Variants in AMZ1 observed in about 807,000 individuals in gnomAD.
The protein encoded by AMZ1 is archaemetzincin-1.
AMZ1 carries 39 observed loss-of-function variants against 29.9 expected under a neutral mutation model. The ratio of observed to expected loss-of-function variants is 1.30; its 90% CI spans 1.01 to 1.70. The LOEUF (loss-of-function observed/expected upper bound fraction) is 1.70. AMZ1 is among the 40% of genes most tolerant of loss of function. The pLI, the probability that AMZ1 is intolerant of heterozygous loss-of-function variation, is 0.00. For missense variants in AMZ1, 1,041 were observed against 680.6 expected, an observed-to-expected ratio of 1.53 and a Z score of -5.89; for synonymous variants, 458 against 304.0, an observed-to-expected ratio of 1.51 and a Z score of -5.27.
At chr7:2,702,468 C>T (rs1316939463) in intron 2 of AMZ1, 1 of 518,276 alleles carries the variant, frequency 1.9e-6, no homozygotes. Context: ...TGCTCTCTCC[C>T]TGAGCTCATA....
intron 4 of AMZ1, among the ~76,000 whole-genome samples, chr7:2,735,855 C>T (rs1316489021): frequency 3.3e-5 from 5 of 152,114 alleles, no homozygotes; most frequent in Admixed American, 1.3e-4. Flanking sequence ...TGTAAGGTGC[C>T]AGGGACTGTG....
rs183789302 is a variant in AMZ1 at position 2,718,933 on chromosome 7, C to T, written c.*6055C>T. 4.6e-4 allele frequency among the ~76,000 whole-genome samples: 70 copies of T among 151,814 alleles called. 1 individual carries two copies. The highest frequency in any genetic ancestry group is 1.6e-3 in the African/African-American group (67 of 41,376). On this transcript the variant is annotated 3_prime_UTR_variant, in exon 7 of 7. Coordinates refer to ENST00000683327, the MANE Select transcript of AMZ1 (RefSeq NM_001384743.1). ...GGGTCGCTTAACACAGGCAGGGGTA[C>T]AGGAGAGCTCCGGCCATTTATTCCA...
At chr7:2,734,161 G>A (rs1044496421) in intron 4 of AMZ1, among the ~76,000 whole-genome samples, 6 of 152,142 alleles carry the variant, frequency 3.9e-5, no homozygotes, top group African/African-American at 9.7e-5. Flanking sequence ...AGGGCCCTGC[G>A]GAATCACCCA....
In AMZ1 at chr7:2,743,684, T is replaced by C. The variant is rs569502929; in HGVS notation, n.551-21028T>C. 3.3e-5 allele frequency among the ~76,000 whole-genome samples: 5 copies of C among 152,034 alleles called. No homozygotes were observed. The South Asian group carries it at 8.3e-4, about 25-fold the overall frequency. ...CATCTCACTGGGGTGTGCCAGACAG[T>C]GGGCGCAGCGCACTGTGCGCGAGCC... On this transcript the variant is annotated intron_variant and non_coding_transcript_variant, in intron 4 of 4. Coordinates refer to the AMZ1 transcript ENST00000489665.
intron 4 of AMZ1, among the ~76,000 whole-genome samples, chr7:2,743,778 G>C (rs1428997324): frequency 6.6e-6 from 1 of 152,190 alleles, no homozygotes; most frequent in Non-Finnish European, 1.5e-5. Flanking sequence ...CCTACTCAAA[G>C]AAAGGGGTGA....
chr7:2,709,803 T>A lies in AMZ1; in HGVS notation c.935T>A (p.Ile312Asn). Residue 312 changes from isoleucine (I) to asparagine (N), a missense_variant, in exon 6 of 7, where the codon ATC becomes AAC. By Grantham distance (149) the Ile-to-Asn change is moderately radical. Coordinates refer to ENST00000683327, the MANE Select transcript of AMZ1 (RefSeq NM_001384743.1). The stretch of plus-strand genomic sequence containing the variant: ...CAGCATGTCCTGGGTTTCAGGCTCA[T>A]CGAGAGGTACCAGGTGAGTGGCTGA... ...KLQHVLGFRL[I>N]ERYQRLYTWT... The A allele has an allele frequency of 6.2e-7, 1 of 1,612,012 alleles. No individual in the cohort carries two copies. Among genetic ancestry groups the A allele is most frequent in the Non-Finnish European group, 8.5e-7 (1 of 1,179,804 alleles).
rs924600446 is a variant in AMZ1, at chr7:2,717,070, C to T, written c.*4192C>T. On this transcript the variant is annotated 3_prime_UTR_variant, in exon 7 of 7. Transcript: ENST00000683327. Reference sequence around the variant, plus strand: ...TGATCCCTGAGCAGCCCCCACACACCGGCACCCACGCCCCTCGGTTCTGAT... The same window carrying T: ...TGATCCCTGAGCAGCCCCCACACACTGGCACCCACGCCCCTCGGTTCTGAT... Among the ~76,000 whole-genome samples, 4 of 152,156 alleles carry T rather than the reference C, an allele frequency of 2.6e-5. No individual in the cohort carries two copies. Among genetic ancestry groups the T allele is most frequent in the Admixed American group, 1.3e-4 (2 of 15,280 alleles).
chr7:2,700,204 T>C (rs1787966709), intron 1 of AMZ1, 30 bp from the exon 2 acceptor site: 1 of 552,742 alleles, frequency 1.8e-6, no homozygotes, highest in Non-Finnish European at 3.2e-6. Context: ...TGCTCGGCAG[T>C]GAGGGGACCC....
At chr7:2,688,873 A>G (rs1324884603) in intron 1 of AMZ1, among the ~76,000 whole-genome samples, 4 of 152,228 alleles carry the variant, frequency 2.6e-5, no homozygotes, top group African/African-American at 4.8e-5. Flanking sequence ...CCAGAAAAGC[A>G]AGGGAGGGGT....
chr7:2,762,470 C>G, upstream of AMZ1: 1 of 641,052 alleles, frequency 1.6e-6, no homozygotes, highest in Non-Finnish European at 2.5e-6. Context: ...AGCCTCTGAA[C>G]CCACCCGTGT....
intron 4 of AMZ1, among the ~76,000 whole-genome samples, chr7:2,759,064 CA>C (rs1791432620): frequency 6.6e-6 from 1 of 151,656 alleles, no homozygotes; most frequent in South Asian, 2.1e-4. Flanking sequence ...CACTTGAACC[CA>C]GGGGGCGGAG....
intron 4 of AMZ1, chr7:2,729,176 T>G (rs1379351619): frequency 6.6e-6 from 1 of 152,330 alleles, no homozygotes; most frequent in Non-Finnish European, 1.5e-5. Flanking sequence ...GAGGACCCGC[T>G]TGCACTTCCT....
At chr7:2,743,102 A>C (rs1195354295) in intron 4 of AMZ1, among the ~76,000 whole-genome samples, 1 of 152,218 alleles carries the variant, frequency 6.6e-6, no homozygotes, top group Non-Finnish European at 1.5e-5. Context: ...GGAACACTCC[A>C]AAAAGAAAAG....
intron 4 of AMZ1, among the ~76,000 whole-genome samples, chr7:2,726,160 T>C (rs1789607230): frequency 1.3e-5 from 2 of 152,180 alleles, no homozygotes; most frequent in South Asian, 4.1e-4. Context: ...ACTACCAGAT[T>C]TGGAAAGGCT....
At chr7:2,726,621 ACT>A (rs1238705998) in intron 4 of AMZ1, among the ~76,000 whole-genome samples, 1 of 151,982 alleles carries the variant, frequency 6.6e-6, no homozygotes, top group Admixed American at 6.6e-5. Flanking sequence ...TTTCTGGCGC[ACT>A]CTCTGCCTTT....
chr7:2,757,004 T>G (rs544467683), intron 4 of AMZ1, among the ~76,000 whole-genome samples: 74 of 151,830 alleles, frequency 4.9e-4, no homozygotes, highest in African/African-American at 1.8e-3. Context: ...AGCTGGGGAG[T>G]TCGAGGCTGC....
downstream of AMZ1, among the ~76,000 whole-genome samples, chr7:2,720,698 G>C (rs957586111): frequency 2.6e-5 from 4 of 151,312 alleles, no homozygotes; most frequent in Admixed American, 6.6e-5. Flanking sequence ...ACTGCGCCCA[G>C]CCTTTAAAAA....
chr7:2,754,573 T>C (rs1440004137), intron 4 of AMZ1, among the ~76,000 whole-genome samples: 1 of 141,310 alleles, frequency 7.1e-6, no homozygotes, highest in Non-Finnish European at 1.5e-5. Context: ...TGAGACCTCA[T>C]CTCTACTTTA....
At chr7:2,702,337 TG>T (rs1788099959) in intron 2 of AMZ1, 6 of 204,564 alleles carry the variant, frequency 2.9e-5, no homozygotes, top group Admixed American at 6.1e-5. Context: ...CTCTGTGTCC[TG>T]CTGTCTGCCC....
Sources: allele counts gnomAD v4.1 joint callset (sites outside exome capture counted in the v4.1 genomes callset), GRCh38; gene constraint gnomAD v4.1.1; transcripts MANE v1.5; gene names NCBI Gene and HGNC (gene_info 2026-07-23, HGNC 2026-07-21).